Variants in GSE1 observed in about 807,000 individuals in gnomAD.
The protein encoded by GSE1 is Gse1 coiled-coil protein.
Under a neutral mutation model 112.6 loss-of-function variants are expected in GSE1, and 32 were observed. That is an observed-to-expected ratio of 0.28 (90% CI 0.21 to 0.38). The LOEUF is 0.38. GSE1 is among the 10% of genes least tolerant of loss of function. The pLI, the probability that GSE1 is intolerant of heterozygous loss-of-function variation, is 1.00. For missense variants in GSE1, 2,348 were observed against 1,699.2 expected (o/e 1.38, Z -6.71); for synonymous variants, 1,115 against 735.6 (o/e 1.52, Z -8.35).
At chr16:85,650,560 C>T (rs996674367) in intron 3 of GSE1, among the ~76,000 whole-genome samples, 1 of 152,224 alleles carries the variant, frequency 6.6e-6, no homozygotes, top group East Asian at 1.9e-4. Context: ...GCTGGTCCCT[C>T]CTCGGAGGGT....
At chr16:85,392,083 C>G (rs1285945908) in intron 2 of GSE1, among the ~76,000 whole-genome samples, 1 of 152,184 alleles carries the variant, frequency 6.6e-6, no homozygotes, top group African/African-American at 2.4e-5. Flanking sequence ...AGCCTCACCC[C>G]CCACTCCCTC....
At chr16:85,429,413 G>A (rs55818023) in intron 2 of GSE1, among the ~76,000 whole-genome samples, 11,725 of 152,298 alleles carry the variant, frequency 0.077, 806 homozygotes, top group East Asian at 0.41. Flanking sequence ...CCTGGAAGCC[G>A]AGTGCAGAGG....
intron 2 of GSE1, among the ~76,000 whole-genome samples, chr16:85,527,389 C>A (rs1567562260): frequency 6.6e-6 from 1 of 152,268 alleles, no homozygotes; most frequent in African/African-American, 2.4e-5. Context: ...AAGAACCTCT[C>A]CCAGAGAAGA....
exon 1 of GSE1, chr16:85,170,261 G>A: frequency 1.0e-6 from 1 of 985,646 alleles, no homozygotes; most frequent in Non-Finnish European, 1.2e-6. Flanking sequence ...CACGCGGATG[G>A]GGAGCCCAAG....
At chr16:85,170,022 G>A in exon 1 of GSE1, 1 of 984,706 alleles carries the variant, frequency 1.0e-6, no homozygotes, top group Middle Eastern at 5.2e-4. Context: ...GGGCCGCGGA[G>A]GAGACGCGAG....
intron 2 of GSE1, among the ~76,000 whole-genome samples, chr16:85,537,814 G>C (rs2044382134): frequency 6.6e-6 from 1 of 152,258 alleles, no homozygotes; most frequent in Non-Finnish European, 1.5e-5. Flanking sequence ...CCCCGCAGCA[G>C]AGTGAGGGGT....
intron 2 of GSE1, among the ~76,000 whole-genome samples, chr16:85,538,833 T>G (rs919709132): frequency 1.3e-5 from 2 of 152,176 alleles, no homozygotes; most frequent in Non-Finnish European, 2.9e-5. Context: ...ACCTCCCTCT[T>G]GCCCTGGAAG....
At chr16:85,625,452 T>C (rs566518041) in intron 1 of GSE1, among the ~76,000 whole-genome samples, 124 of 152,246 alleles carry the variant, frequency 8.1e-4, no homozygotes, top group African/African-American at 2.9e-3. Flanking sequence ...CCTGCTGTCC[T>C]CAAAACTGTA....
Position 85,566,962 on chromosome 16 carries a change from C to A in GSE1, c.37+10599C>A, listed in dbSNP as rs1046759327. On this transcript the variant is annotated intron_variant, in intron 1 of 2. Coordinates refer to the GSE1 transcript ENST00000635906. Reference sequence around the variant, plus strand: ...GTAGGCCTCTCACCCGCTCCAAGAACCTGTGTCACTGTCGGAAGTGTCACG... The same window carrying A: ...GTAGGCCTCTCACCCGCTCCAAGAAACTGTGTCACTGTCGGAAGTGTCACG... 2.0e-5 allele frequency among the ~76,000 whole-genome samples: 3 copies of A among 152,192 alleles called. No homozygotes were observed. The East Asian group carries it at 5.8e-4, about 29-fold the overall frequency.
chr16:85,187,794 A>C (rs898640573), intron 1 of GSE1, among the ~76,000 whole-genome samples: 1 of 152,220 alleles, frequency 6.6e-6, no homozygotes, highest in African/African-American at 2.4e-5. Flanking sequence ...ACGTGAAGCC[A>C]TAGCCGAGGG....
At chr16:85,567,200 A>C (rs1477125756) in intron 1 of GSE1, among the ~76,000 whole-genome samples, 1 of 150,646 alleles carries the variant, frequency 6.6e-6, no homozygotes, top group Non-Finnish European at 1.5e-5. Context: ...GTTGCGGGGG[A>C]GGGGATGGGG....
At chr16:85,254,093 C>T (rs1479689735) in intron 1 of GSE1, among the ~76,000 whole-genome samples, 2 of 152,162 alleles carry the variant, frequency 1.3e-5, no homozygotes, top group African/African-American at 2.4e-5. Flanking sequence ...ATTGCCAGCC[C>T]GTATGGGGCA....
chr16:85,626,222 C>A (rs1293526202), intron 1 of GSE1, among the ~76,000 whole-genome samples: 1 of 152,192 alleles, frequency 6.6e-6, no homozygotes, highest in Non-Finnish European at 1.5e-5. Context: ...CCGCCCCCTC[C>A]CTTGCCTCCA....
chr16:85,501,054 G>C (rs1054047545), intron 2 of GSE1, among the ~76,000 whole-genome samples: 1 of 127,636 alleles, frequency 7.8e-6, no homozygotes, highest in Non-Finnish European at 1.6e-5. Context: ...TGCCCAGGCT[G>C]GAGTGGCACG....
At chr16:85,500,252 G>A (rs2051315566) in intron 2 of GSE1, among the ~76,000 whole-genome samples, 1 of 152,204 alleles carries the variant, frequency 6.6e-6, no homozygotes, top group Non-Finnish European at 1.5e-5. Context: ...AAAACAAATG[G>A]GAACGTGTTT....
At chr16:85,552,810 G>C (rs1313137565), upstream of GSE1, among the ~76,000 whole-genome samples, 2 of 152,214 alleles carry the variant, frequency 1.3e-5, no homozygotes, top group African/African-American at 4.8e-5. Flanking sequence ...GATTGGGGGA[G>C]CACCCCTCCC....
intron 2 of GSE1, among the ~76,000 whole-genome samples, chr16:85,484,116 G>A (rs1378112775): frequency 2.0e-5 from 3 of 152,264 alleles, no homozygotes; most frequent in Non-Finnish European, 4.4e-5. Flanking sequence ...TCCCGGACCA[G>A]TTATGCCGTG....
At chr16:85,628,228 CT>C (rs890940774) in intron 1 of GSE1, among the ~76,000 whole-genome samples, 5 of 152,250 alleles carry the variant, frequency 3.3e-5, no homozygotes, top group African/African-American at 4.8e-5. Context: ...TAGATTCCCC[CT>C]AATGAAGCCG....
chr16:85,532,643 G>T (rs1043179232), intron 2 of GSE1, among the ~76,000 whole-genome samples: 1 of 152,056 alleles, frequency 6.6e-6, no homozygotes, highest in Non-Finnish European at 1.5e-5. Context: ...CCACCGCCCC[G>T]CACTGTTCCT....
Sources: gnomAD v4.1 joint callset for allele counts (sites outside exome capture counted in the v4.1 genomes callset) on GRCh38, gnomAD v4.1.1 for gene constraint, MANE v1.5 for transcripts, NCBI Gene and HGNC (gene_info 2026-07-23, HGNC 2026-07-21) for gene names.